RBFOX1: variants seen among roughly 807,000 people sequenced by gnomAD.
The protein encoded by RBFOX1 is RNA binding protein fox-1 homolog 1.
RBFOX1 carries 8 observed loss-of-function variants against 57.7 expected under a neutral mutation model. The observed-to-expected ratio is 0.14, with a 90% CI of 0.08 to 0.25. The LOEUF is 0.25. Ranked by LOEUF, RBFOX1 falls within the 10% of genes least tolerant of loss-of-function variation. The probability of loss-of-function intolerance (pLI) is 1.00; values close to 1 mark genes in which losing one functional copy is unlikely to be tolerated. For missense variants in RBFOX1, 611 were observed against 548.5 expected (o/e 1.11, Z -1.14); for synonymous variants, 326 against 222.4 (o/e 1.47, Z -4.15).
intron 1 of RBFOX1, among the ~76,000 whole-genome samples, chr16:6,094,156 C>G (rs1476977148): frequency 6.6e-6 from 1 of 152,148 alleles, no homozygotes; most frequent in African/African-American, 2.4e-5. Flanking sequence ...AGCTTTGTCC[C>G]AAGGACTCAT....
At chr16:5,745,691 A>T (rs1448711868) in intron 3 of RBFOX1, among the ~76,000 whole-genome samples, 2 of 152,292 alleles carry the variant, frequency 1.3e-5, no homozygotes, top group Middle Eastern at 3.4e-3. Context: ...TCTGATGGCC[A>T]GTGATGATGA....
chr16:6,166,730 C>T (rs1370547146), intron 1 of RBFOX1, among the ~76,000 whole-genome samples: 1 of 152,100 alleles, frequency 6.6e-6, no homozygotes, highest in African/African-American at 2.4e-5. Context: ...GAGTGGGTTA[C>T]TCTGAAGAGC....
chr16:5,255,322 TTCCATCCATCCATCCATCCA>T (rs3041858), intron 1 of RBFOX1, among the ~76,000 whole-genome samples: 1 of 119,372 alleles, frequency 8.4e-6, no homozygotes, highest in African/African-American at 3.3e-5. Context: ...CCACACTTCC[TTCCATCCATCCATCCATCCA>T]TCCATCCATC....
At chr16:6,672,892 A>T (rs1221648414) in intron 3 of RBFOX1, among the ~76,000 whole-genome samples, 3 of 152,118 alleles carry the variant, frequency 2.0e-5, no homozygotes, top group Admixed American at 1.3e-4. Flanking sequence ...CAAGAGACCC[A>T]TTGACTAAAC....
In RBFOX1 at chr16:6,893,519, G is replaced by A. The variant is rs562010358; in HGVS notation, c.-15-158538G>A. ...GTATCAACAGCTGGGGCTCTATGCT[G>A]AGCTCAGAAAGTGGAGTTCTGAATC... On this transcript the variant is annotated intron_variant, in intron 3 of 15. Transcript: ENST00000550418. Among the ~76,000 whole-genome samples, 64 of 152,224 alleles carry A rather than the reference G, an allele frequency of 4.2e-4. 1 individual carries two copies. The South Asian group carries it at 8.1e-3, about 19-fold the overall frequency.
intron 4 of RBFOX1, among the ~76,000 whole-genome samples, chr16:7,132,411 G>A (rs1353052883): frequency 1.3e-5 from 2 of 149,738 alleles, no homozygotes; most frequent in South Asian, 2.1e-4. Flanking sequence ...TGGGTGAAAG[G>A]TTGAAGAAAT....
chr16:5,626,725 A>G (rs1437360773), intron 3 of RBFOX1, among the ~76,000 whole-genome samples: 1 of 151,980 alleles, frequency 6.6e-6, no homozygotes, highest in Non-Finnish European at 1.5e-5. Flanking sequence ...GAGTTTCCTT[A>G]CTTTCTGGTG....
At chr16:6,076,821 G>A (rs1446801339) in intron 1 of RBFOX1, among the ~76,000 whole-genome samples, 2 of 152,106 alleles carry the variant, frequency 1.3e-5, no homozygotes, top group East Asian at 1.9e-4. Context: ...GGTACAAAAA[G>A]CAAAACCATG....
intron 4 of RBFOX1, among the ~76,000 whole-genome samples, chr16:7,290,658 C>G (rs1231158597): frequency 6.6e-6 from 1 of 152,178 alleles, no homozygotes. Flanking sequence ...TACAGTAAGC[C>G]AAGTGCTGTT....
intron 4 of RBFOX1, among the ~76,000 whole-genome samples, chr16:7,374,064 G>T (rs544086347): frequency 1.3e-5 from 2 of 152,320 alleles, no homozygotes; most frequent in East Asian, 3.9e-4. Context: ...TGGAGAGGCA[G>T]ATAGACCCAG....
At chr16:5,999,283 C>T (rs11645115) in intron 4 of RBFOX1, among the ~76,000 whole-genome samples, 385 of 152,130 alleles carry the variant, frequency 2.5e-3, no homozygotes, top group African/African-American at 8.7e-3. Flanking sequence ...GCCTAGAATT[C>T]CCCCTCATGC....
intron 2 of RBFOX1, among the ~76,000 whole-genome samples, chr16:6,542,875 T>C (rs2096843137): frequency 6.6e-6 from 1 of 152,102 alleles, no homozygotes; most frequent in Non-Finnish European, 1.5e-5. Context: ...TTCATTGGCC[T>C]GGCATTGACT....
At chr16:7,570,567 A>T (rs1231483088) in intron 5 of RBFOX1, among the ~76,000 whole-genome samples, 1 of 152,196 alleles carries the variant, frequency 6.6e-6, no homozygotes, top group Non-Finnish European at 1.5e-5. Flanking sequence ...GCTCAGAAGG[A>T]TGTACATAGC....
chr16:6,139,454 A>C (rs539357926), intron 1 of RBFOX1, among the ~76,000 whole-genome samples: 1 of 152,218 alleles, frequency 6.6e-6, no homozygotes, highest in East Asian at 1.9e-4. Context: ...ATCTCTTACA[A>C]CCTGCCCATT....
intron 4 of RBFOX1, among the ~76,000 whole-genome samples, chr16:5,894,370 C>T (rs755024062): frequency 5.9e-5 from 9 of 152,168 alleles, no homozygotes; most frequent in African/African-American, 9.7e-5. Flanking sequence ...TTCACCTCCA[C>T]CTCCTGGGTT....
chr16:6,235,741 G>A (rs747908715), intron 1 of RBFOX1, among the ~76,000 whole-genome samples: 2 of 152,218 alleles, frequency 1.3e-5, no homozygotes, highest in South Asian at 2.1e-4. Context: ...ATTACTCTAA[G>A]TGAAGTAACT....
At chr16:6,578,742 C>G (rs1252120149) in intron 2 of RBFOX1, among the ~76,000 whole-genome samples, 1 of 151,818 alleles carries the variant, frequency 6.6e-6, no homozygotes, top group Non-Finnish European at 1.5e-5. Context: ...TCAGTTATCC[C>G]AAGTTTTAGT....
chr16:6,540,442 T>C (rs1383524378), intron 2 of RBFOX1, among the ~76,000 whole-genome samples: 1 of 151,756 alleles, frequency 6.6e-6, no homozygotes, highest in Non-Finnish European at 1.5e-5. Flanking sequence ...TAAAACCCCA[T>C]CTCTACTAAA....
At chr16:6,441,020 T>C (rs943236485) in intron 2 of RBFOX1, among the ~76,000 whole-genome samples, 3 of 151,942 alleles carry the variant, frequency 2.0e-5, no homozygotes, top group Non-Finnish European at 2.9e-5. Flanking sequence ...TTGGAGTCAG[T>C]GATGAGAAAG....
Sources: allele counts gnomAD v4.1 joint callset (sites outside exome capture counted in the v4.1 genomes callset), GRCh38; gene constraint gnomAD v4.1.1; transcripts MANE v1.5; gene names NCBI Gene and HGNC (gene_info 2026-07-23, HGNC 2026-07-21).